Variants in AUTS2 observed in about 807,000 individuals in gnomAD.
The protein encoded by AUTS2 is activator of transcription and developmental regulator AUTS2, also known as autism susceptibility gene 2 protein.
AUTS2 carries 17 observed loss-of-function variants against 112.4 expected under a neutral mutation model. The ratio of observed to expected loss-of-function variants is 0.15; its 90% CI spans 0.10 to 0.23. AUTS2 has a LOEUF of 0.23. AUTS2 is among the 10% of genes least tolerant of loss of function. The probability of loss-of-function intolerance (pLI) is 1.00; values close to 1 mark genes in which losing one functional copy is unlikely to be tolerated. For missense variants in AUTS2, 1,510 were observed against 1,701.6 expected, an observed-to-expected ratio of 0.89 and a Z score of 1.98; for synonymous variants, 751 against 702.7, an observed-to-expected ratio of 1.07 and a Z score of -1.09.
At chr7:70,045,831 T>C (rs1351712033) in intron 2 of AUTS2, among the ~76,000 whole-genome samples, 1 of 150,222 alleles carries the variant, frequency 6.7e-6, no homozygotes, top group Non-Finnish European at 1.5e-5. Flanking sequence ...TTTCACCATG[T>C]TTGCCAGGCT....
intron 1 of AUTS2, among the ~76,000 whole-genome samples, chr7:69,797,461 G>A (rs745930674): frequency 6.6e-6 from 1 of 152,174 alleles, no homozygotes; most frequent in African/African-American, 2.4e-5. Context: ...TCACAGGTAC[G>A]TGAAGCTCTT....
intron 5 of AUTS2, among the ~76,000 whole-genome samples, chr7:70,541,075 G>T (rs1458518016): frequency 6.6e-6 from 1 of 152,112 alleles, no homozygotes; most frequent in Non-Finnish European, 1.5e-5. Context: ...TCTAAATCCA[G>T]TCCCCTTTCT....
At chr7:69,671,150 T>G (rs1345872143) in intron 1 of AUTS2, among the ~76,000 whole-genome samples, 2 of 152,198 alleles carry the variant, frequency 1.3e-5, no homozygotes, top group African/African-American at 2.4e-5. Flanking sequence ...TGGCTGCCCA[T>G]TTTTTACTTG....
chr7:70,029,317 G>A (rs955433451), intron 2 of AUTS2, among the ~76,000 whole-genome samples: 7 of 146,158 alleles, frequency 4.8e-5, no homozygotes, highest in African/African-American at 1.8e-4. Context: ...CTGTCTCTGC[G>A]ATGTGGTAAT....
In AUTS2 at chr7:69,718,306, A is replaced by G. The variant is rs1241372559; in HGVS notation, c.309+118344A>G. ...AACATAGTGACTTAAAAACAACACA[A>G]ACTTTTATCTTACATTTTTGTAGGC... is the stretch of plus-strand genomic sequence containing the variant. On this transcript the variant is annotated intron_variant, in intron 1 of 18. Transcript: ENST00000342771. Among the ~76,000 whole-genome samples, 4 of 152,204 alleles carry G rather than the reference A, an allele frequency of 2.6e-5. 1 individual carries two copies. The highest frequency in any genetic ancestry group is 4.1e-4 in the South Asian group (2 of 4,834).
chr7:69,987,156 A>G (rs1028805065), intron 2 of AUTS2, among the ~76,000 whole-genome samples: 1 of 152,222 alleles, frequency 6.6e-6, no homozygotes, highest in Non-Finnish European at 1.5e-5. Context: ...ACAGCTATTT[A>G]TAAAGGAGTG....
At chr7:70,559,812 C>T (rs1801403844) in intron 5 of AUTS2, among the ~76,000 whole-genome samples, 1 of 152,154 alleles carries the variant, frequency 6.6e-6, no homozygotes, top group Non-Finnish European at 1.5e-5. Context: ...ACCTCTGCCC[C>T]CCATTCCCAT....
At chr7:70,714,035 G>C (rs1213831583) in intron 6 of AUTS2, among the ~76,000 whole-genome samples, 3 of 152,140 alleles carry the variant, frequency 2.0e-5, no homozygotes, top group African/African-American at 7.2e-5. Flanking sequence ...AGCACTGTGT[G>C]ATCTACATGG....
At chr7:70,117,139 TTTTTTTTTTG>T (rs1805421919) in intron 2 of AUTS2, among the ~76,000 whole-genome samples, 1 of 141,332 alleles carries the variant, frequency 7.1e-6, no homozygotes, top group South Asian at 2.2e-4. Context: ...TTTTTTTTGT[TTTTTTTTTTG>T]GTGTAGTACC....
intron 4 of AUTS2, among the ~76,000 whole-genome samples, chr7:70,340,248 C>A (rs1791202200): frequency 6.6e-6 from 1 of 150,738 alleles, no homozygotes; most frequent in South Asian, 2.1e-4. Context: ...ACATAAATAC[C>A]AGTACACATT....
At position 69,763,740 on chromosome 7, in the gene AUTS2, G is replaced by A. The variant is rs140218369; in HGVS notation, c.310-135546G>A. On this transcript the variant is annotated intron_variant, in intron 1 of 18. Transcript: ENST00000342771. ...AGTGATATGAGTTAGTAAACATGAT[G>A]CCCTTAGAACAGTGCTTGGCATGTG... is the stretch of plus-strand genomic sequence containing the variant. 4.3e-3 allele frequency among the ~76,000 whole-genome samples: 662 copies of A among 152,278 alleles called. 4 individuals carry two copies. The highest frequency in any genetic ancestry group is 0.015 in the African/African-American group (620 of 41,554).
intron 4 of AUTS2, among the ~76,000 whole-genome samples, chr7:70,351,500 G>A (rs940655624): frequency 6.6e-6 from 1 of 152,150 alleles, no homozygotes; most frequent in South Asian, 2.1e-4. Flanking sequence ...GAACATGGGG[G>A]TGCAGGTATC....
chr7:70,748,128 C>T (rs1005312499), intron 6 of AUTS2, among the ~76,000 whole-genome samples: 1 of 151,944 alleles, frequency 6.6e-6, no homozygotes, highest in South Asian at 2.1e-4. Context: ...GCGCCTGGCC[C>T]AGAGAGCTCA....
In AUTS2 at chr7:70,034,655, T is replaced by C. The variant is rs76204082; in HGVS notation, c.523-83477T>C. Among the ~76,000 whole-genome samples the C allele has an allele frequency of 2.9e-3, 445 of 152,278 alleles. 5 individuals are homozygous for C. Among genetic ancestry groups the C allele is most frequent in the African/African-American group, 0.01 (431 of 41,572 alleles). Reference sequence around the variant, plus strand: ...CACTGTCTTGTTCTACCAATAGTCTTGTATTTATTGACAGTTTGGTGGTTG... The same window carrying C: ...CACTGTCTTGTTCTACCAATAGTCTCGTATTTATTGACAGTTTGGTGGTTG... On this transcript the variant is annotated intron_variant, in intron 2 of 18. Coordinates refer to ENST00000342771, the MANE Select transcript of AUTS2 (RefSeq NM_015570.4).
intron 5 of AUTS2, among the ~76,000 whole-genome samples, chr7:70,572,010 G>A (rs1449087499): frequency 6.6e-6 from 1 of 152,340 alleles, no homozygotes; most frequent in African/African-American, 2.4e-5. Context: ...ATATATGAGA[G>A]GAACATCTGC....
At chr7:70,096,879 A>G (rs574264920) in intron 2 of AUTS2, among the ~76,000 whole-genome samples, 1 of 152,318 alleles carries the variant, frequency 6.6e-6, no homozygotes, top group East Asian at 1.9e-4. Flanking sequence ...GTTATTCTAG[A>G]AGTGGGATAG....
chr7:70,133,635 C>A (rs1326713881), intron 3 of AUTS2, among the ~76,000 whole-genome samples: 1 of 152,008 alleles, frequency 6.6e-6, no homozygotes, highest in African/African-American at 2.4e-5. Flanking sequence ...TTAGCTGAGA[C>A]CTGCAGACCT....
At chr7:70,734,101 C>T (rs1038333343) in intron 6 of AUTS2, among the ~76,000 whole-genome samples, 26 of 152,054 alleles carry the variant, frequency 1.7e-4, no homozygotes, top group African/African-American at 5.8e-4. Context: ...CCCGACAGCC[C>T]GCTGCATGCG....
intron 2 of AUTS2, among the ~76,000 whole-genome samples, chr7:70,064,708 A>G (rs1802408946): frequency 6.6e-6 from 1 of 152,134 alleles, no homozygotes; most frequent in Non-Finnish European, 1.5e-5. Flanking sequence ...CACCTCCCAA[A>G]ATGGATGGTG....
Sources: gnomAD v4.1 joint callset for allele counts (sites outside exome capture counted in the v4.1 genomes callset) on GRCh38, gnomAD v4.1.1 for gene constraint, MANE v1.5 for transcripts, NCBI Gene and HGNC (gene_info 2026-07-23, HGNC 2026-07-21) for gene names.